HS3ST5: variants seen among roughly 807,000 people sequenced by gnomAD.
The protein encoded by HS3ST5 is heparan sulfate glucosamine 3-O-sulfotransferase 5.
In HS3ST5, 10 loss-of-function variants were observed where a neutral mutation model predicts 25.4. That is an observed-to-expected ratio of 0.39 (90% CI 0.24 to 0.67). The LOEUF is 0.67. Ranked by LOEUF, HS3ST5 falls within the 30% of genes least tolerant of loss-of-function variation. HS3ST5 has a pLI of 0.44. For synonymous variants in HS3ST5, 170 were observed against 162.4 expected (o/e 1.05, Z -0.36); for missense variants, 324 against 420.7 (o/e 0.77, Z 2.01).
At chr6:114,087,408 C>T (rs1774894762) in intron 3 of HS3ST5, among the ~76,000 whole-genome samples, 1 of 152,070 alleles carries the variant, frequency 6.6e-6, no homozygotes, top group Admixed American at 6.5e-5. Flanking sequence ...TGGATAGTTC[C>T]TATTTTGTGT....
At chr6:114,313,234 C>T (rs892487151) in intron 1 of HS3ST5, among the ~76,000 whole-genome samples, 4 of 152,080 alleles carry the variant, frequency 2.6e-5, no homozygotes, top group East Asian at 1.9e-4. Flanking sequence ...GTGGATGGAA[C>T]GACTGGAACT....
intron 1 of HS3ST5, among the ~76,000 whole-genome samples, chr6:114,291,625 G>A (rs918608571): frequency 6.6e-6 from 1 of 152,308 alleles, no homozygotes; most frequent in Non-Finnish European, 1.5e-5. Flanking sequence ...ATGAAGAAAG[G>A]TGGGCTGCCT....
At chr6:114,341,177 AGAGGGAGAGGG>A (rs1164890295) in intron 1 of HS3ST5, among the ~76,000 whole-genome samples, 51 of 53,692 alleles carry the variant, frequency 9.5e-4, no homozygotes, top group Admixed American at 3.1e-3. Flanking sequence ...GGAGGGAGGG[AGAGGGAGAGGG>A]AGAGGGAGAG....
chr6:114,104,095 A>T (rs976785196), intron 3 of HS3ST5, among the ~76,000 whole-genome samples: 11 of 151,578 alleles, frequency 7.3e-5, no homozygotes, highest in South Asian at 2.1e-4. Flanking sequence ...CTAGACTTTT[A>T]AAAAAAATGT....
intron 3 of HS3ST5, among the ~76,000 whole-genome samples, chr6:114,098,549 A>AAATATTAAATATATCAAAAATATATTT (rs1775561898): frequency 6.7e-6 from 1 of 148,328 alleles, no homozygotes; most frequent in South Asian, 2.1e-4. Context: ...ATTTTAATAT[A>AAATATTAAATATATCAAAAATATATTT]TAATATTAAA....
intron 2 of HS3ST5, among the ~76,000 whole-genome samples, chr6:114,193,562 C>G (rs555194687): frequency 3.5e-4 from 54 of 152,254 alleles, no homozygotes; most frequent in African/African-American, 1.3e-3. Context: ...TGACCTTGAA[C>G]AAATTCGTTA....
At chr6:114,151,418 ACT>A (rs1411516446) in intron 3 of HS3ST5, among the ~76,000 whole-genome samples, 4 of 152,090 alleles carry the variant, frequency 2.6e-5, no homozygotes, top group African/African-American at 9.7e-5. Flanking sequence ...AGGCCCGCTG[ACT>A]CTTGCTGAAT....
At chr6:114,133,584 A>G (rs1349659625) in intron 3 of HS3ST5, among the ~76,000 whole-genome samples, 3 of 152,186 alleles carry the variant, frequency 2.0e-5, no homozygotes, top group Non-Finnish European at 4.4e-5. Context: ...ACTGGGAAAG[A>G]TATTTTAGAG....
intron 1 of HS3ST5, among the ~76,000 whole-genome samples, chr6:114,327,471 GC>G (rs1262819162): frequency 6.6e-6 from 1 of 152,134 alleles, no homozygotes; most frequent in Non-Finnish European, 1.5e-5. Flanking sequence ...GCCTCTTATT[GC>G]CATGGATACA....
At chr6:114,138,387 T>C (rs1777740847) in intron 3 of HS3ST5, among the ~76,000 whole-genome samples, 1 of 152,196 alleles carries the variant, frequency 6.6e-6, no homozygotes, top group East Asian at 1.9e-4. Context: ...ATATTTGGGT[T>C]AGTAAGATTT....
chr6:114,144,147 T>C (rs1178986466), intron 3 of HS3ST5, among the ~76,000 whole-genome samples: 1 of 152,202 alleles, frequency 6.6e-6, no homozygotes, highest in Non-Finnish European at 1.5e-5. Context: ...CTGAGCAGAC[T>C]GTCACAGAAC....
At chr6:114,169,549 A>G (rs1464978265) in intron 2 of HS3ST5, among the ~76,000 whole-genome samples, 1 of 152,212 alleles carries the variant, frequency 6.6e-6, no homozygotes, top group Non-Finnish European at 1.5e-5. Flanking sequence ...AACATGGCAC[A>G]TATCAGTCAT....
At chr6:114,062,136 C>G (rs1049537165) in intron 4 of HS3ST5, among the ~76,000 whole-genome samples, 2 of 152,114 alleles carry the variant, frequency 1.3e-5, no homozygotes, top group African/African-American at 4.8e-5. Flanking sequence ...TAAACCCTAG[C>G]ACTGTAATTT....
intron 3 of HS3ST5, among the ~76,000 whole-genome samples, chr6:114,100,108 A>G (rs547639106): frequency 2.4e-4 from 36 of 152,290 alleles, no homozygotes; most frequent in East Asian, 7.7e-4. Flanking sequence ...TTCTTCTACA[A>G]TGATTTATTC....
intron 3 of HS3ST5, among the ~76,000 whole-genome samples, chr6:114,118,212 G>GGGCA (rs1776623093): frequency 6.6e-6 from 1 of 152,178 alleles, no homozygotes; most frequent in African/African-American, 2.4e-5. Context: ...GATTCTGAGG[G>GGGCA]GGCATGTATG....
At chr6:114,206,545 C>T (rs1582714504) in intron 2 of HS3ST5, among the ~76,000 whole-genome samples, 1 of 152,300 alleles carries the variant, frequency 6.6e-6, no homozygotes, top group East Asian at 1.9e-4. Flanking sequence ...TGGCCACTTA[C>T]TTGCTACATA....
intron 1 of HS3ST5, among the ~76,000 whole-genome samples, chr6:114,339,333 A>G (rs569342100): frequency 6.6e-6 from 1 of 152,294 alleles, no homozygotes; most frequent in East Asian, 1.9e-4. Context: ...GGTGCCTACA[A>G]TAAATAGACC....
intron 3 of HS3ST5, among the ~76,000 whole-genome samples, chr6:114,159,780 C>A (rs980744590): frequency 4.6e-5 from 7 of 152,106 alleles, no homozygotes; most frequent in African/African-American, 1.7e-4. Context: ...TTTTCTGGCA[C>A]AATGGGAAAA....
At chr6:114,112,587 C>T (rs1161989973) in intron 3 of HS3ST5, 1 of 152,222 alleles carries the variant, frequency 6.6e-6, no homozygotes, top group Non-Finnish European at 1.5e-5. Context: ...TCTACTTACT[C>T]TCTGCCAGCA....
Sources: gnomAD v4.1 joint callset for allele counts (sites outside exome capture counted in the v4.1 genomes callset) on GRCh38, gnomAD v4.1.1 for gene constraint, MANE v1.5 for transcripts, NCBI Gene and HGNC (gene_info 2026-07-23, HGNC 2026-07-21) for gene names.